The following SHISA5 variants were observed in gnomAD, a reference collection of about 807,000 sequenced individuals.
SHISA5 encodes shisa family member 5.
A neutral mutation model predicts 27.5 loss-of-function variants in SHISA5; 21 were observed. That is an observed-to-expected ratio of 0.76 (90% CI 0.54 to 1.10). The LOEUF is 1.10. SHISA5 is among the 50% of genes least tolerant of loss of function. The pLI is 0.00. For synonymous variants in SHISA5, 137 were observed against 142.2 expected (o/e 0.96, Z 0.26); for missense variants, 314 against 336.3 (o/e 0.93, Z 0.52).
chr3:48,503,769 C>A, intron 1 of SHISA5: 1 of 1,239,902 alleles, frequency 8.1e-7, no homozygotes, highest in Non-Finnish European at 1.0e-6. Flanking sequence ...GGAGGGCAGA[C>A]CCCTCCCCAC....
intron 2 of SHISA5, among the ~76,000 whole-genome samples, chr3:48,495,266 A>T (rs2041511342): frequency 6.8e-6 from 1 of 146,430 alleles, no homozygotes; most frequent in Admixed American, 6.7e-5. Flanking sequence ...ACACATTCAC[A>T]TAATAACTTA....
rs1412049885 is a variant in SHISA5 at position 48,473,539 on chromosome 3, T to C, written c.315-3696A>G. 1 of 1,285,310 alleles carries C rather than the reference T, an allele frequency of 7.8e-7. No homozygotes were observed. Among genetic ancestry groups the C allele is most frequent in the African/African-American group, 1.5e-5 (1 of 65,760 alleles). 79.6% of individuals were successfully genotyped at this position (1,285,310 alleles called of 1,614,324 possible). On this transcript the variant is annotated intron_variant, in intron 3 of 5. Coordinates refer to ENST00000296444, the MANE Select transcript of SHISA5 (RefSeq NM_016479.6). The surrounding 1 kb of genome is among the most constrained non-coding windows in gnomAD (Gnocchi z 4.3). ...CACATGCAAGGAGCAAAGTCCAGCC[T>C]GTCCCTTTAGCTCCTCCTCTCCCAC...
intron 2 of SHISA5, among the ~76,000 whole-genome samples, chr3:48,499,610 G>A (rs1261138735): frequency 6.7e-6 from 1 of 148,914 alleles, no homozygotes; most frequent in South Asian, 2.2e-4. Flanking sequence ...AACCTGGGAG[G>A]CGGAGCTTGC....
chr3:48,479,105 G>T, intron 3 of SHISA5, 72 bp downstream of exon 3: 1 of 1,376,104 alleles, frequency 7.3e-7, no homozygotes, highest in Non-Finnish European at 1.0e-6. Context: ...TCCCCCAGAT[G>T]CACACTGGCC....
chr3:48,503,862 G>T, intron 1 of SHISA5, 157 bp downstream of exon 1: 1 of 1,308,432 alleles, frequency 7.6e-7, no homozygotes. Flanking sequence ...GTGGAGGAGG[G>T]GTCCGCAGTC....
At chr3:48,478,143 G>A (rs1049144312) in intron 3 of SHISA5, among the ~76,000 whole-genome samples, 1 of 152,192 alleles carries the variant, frequency 6.6e-6, no homozygotes, top group Non-Finnish European at 1.5e-5. Flanking sequence ...CACAATCCTG[G>A]GCCTCAGGGC....
In SHISA5 at chr3:48,473,246, G is replaced by A. The variant is rs1022549221; in HGVS notation, c.315-3403C>T. On this transcript the variant is annotated intron_variant, in intron 3 of 5. Transcript: ENST00000296444. The surrounding 1 kb of genome is among the most constrained non-coding windows in gnomAD (Gnocchi z 4.3). ...GCAGCCAAGGAGCCAAGGGGCGGGG[G>A]CCGGGGAGGAGGGGAAGCAGAGGTG... The A allele has an allele frequency of 6.3e-6, 9 of 1,423,222 alleles. No homozygotes were observed. Among genetic ancestry groups the A allele is most frequent in the African/African-American group, 1.4e-5 (1 of 69,416 alleles). 88.2% of individuals were successfully genotyped at this position (1,423,222 alleles called of 1,614,324 possible). A position where few individuals can be genotyped will look rare whatever the true frequency, so the allele number is the denominator to read the frequency against.
intron 2 of SHISA5, among the ~76,000 whole-genome samples, chr3:48,489,286 A>T (rs1667137489): frequency 6.6e-6 from 1 of 151,196 alleles, no homozygotes; most frequent in African/African-American, 2.4e-5. Context: ...TGGCCCAGAG[A>T]AGGCAAAAGA....
intron 2 of SHISA5, 121 bp downstream of exon 2, chr3:48,501,016 G>T: frequency 8.6e-7 from 1 of 1,164,140 alleles, no homozygotes; most frequent in Non-Finnish European, 1.2e-6. Context: ...CTGCTCCAAT[G>T]CTCTGGCCAC....
intron 2 of SHISA5, among the ~76,000 whole-genome samples, chr3:48,480,105 G>A (rs969055748): frequency 2.1e-5 from 3 of 142,424 alleles, no homozygotes; most frequent in East Asian, 2.2e-4. Flanking sequence ...AGGTTTCACC[G>A]TGTTAGCCAG....
chr3:48,486,463 ATAAT>A (rs1205126919), intron 2 of SHISA5, among the ~76,000 whole-genome samples: 1 of 102,848 alleles, frequency 9.7e-6, no homozygotes, highest in East Asian at 2.4e-4. Flanking sequence ...TTATATATTT[ATAAT>A]TATATTATAT....
At position 48,497,262 on chromosome 3, in the gene SHISA5, G is replaced by GTTTT. The variant is rs771239815; in HGVS notation, c.233+3871_233+3874dup. Among the ~76,000 whole-genome samples, 966 of 116,556 alleles carry GTTTT rather than the reference G, an allele frequency of 8.3e-3. 39 individuals are homozygous for GTTTT. Among genetic ancestry groups the GTTTT allele is most frequent in the African/African-American group, 0.031 (887 of 28,390 alleles). The allele number at this position is 116,556 out of a possible 152,430, so 76.5% of individuals were successfully genotyped here. ...AACGGTCTTAAGGCTTCCAGAACAA[G>GTTTT]TTTTTTTTTTTTTTTTTTTTTGACG... On this transcript the variant is annotated intron_variant, in intron 2 of 5. Coordinates refer to ENST00000296444, the MANE Select transcript of SHISA5 (RefSeq NM_016479.6).
chr3:48,486,935 G>GAAAGA (rs779105367), intron 2 of SHISA5, among the ~76,000 whole-genome samples: 1 of 148,018 alleles, frequency 6.8e-6, no homozygotes, highest in African/African-American at 2.5e-5. Flanking sequence ...AAAAAAAAAA[G>GAAAGA]AAAGAAAAGA....
chr3:48,497,262 G>GTTTTT lies in SHISA5; in HGVS notation c.233+3870_233+3874dup, dbSNP rs771239815. Among the ~76,000 whole-genome samples the GTTTTT allele has an allele frequency of 5.1e-4, 60 of 116,570 alleles. 5 individuals carry two copies. The highest frequency in any genetic ancestry group is 2.1e-3 in the African/African-American group (59 of 28,402). 76.5% of individuals were successfully genotyped at this position (116,570 alleles called of 152,430 possible). A position where few individuals can be genotyped will look rare whatever the true frequency, so the allele number is the denominator to read the frequency against. ...AACGGTCTTAAGGCTTCCAGAACAA[G>GTTTTT]TTTTTTTTTTTTTTTTTTTTTGACG... is the stretch of plus-strand genomic sequence containing the variant. On this transcript the variant is annotated intron_variant, in intron 2 of 5. Transcript: ENST00000296444.
intron 2 of SHISA5, among the ~76,000 whole-genome samples, chr3:48,484,968 A>G (rs2041150277): frequency 6.6e-6 from 1 of 152,012 alleles, no homozygotes; most frequent in Non-Finnish European, 1.5e-5. Context: ...CCGAGGCTAG[A>G]GAATCGCTTG....
rs201243667 is a variant in SHISA5, at chr3:48,479,237, G to A, written c.254C>T (p.Pro85Leu). Residue 85 changes from proline (P) to leucine (L), a missense_variant, in exon 3 of 6, where the codon CCG becomes CTG. Pro to Leu is a moderately conservative substitution (Grantham distance 98). Transcript: ENST00000296444. ...CAGCGCCGAGCCCAGCTGCTCCACC[G>A]GCTCTACACTGGCAGGCACGCTGCA... ...PEASVPASVEPVEQLGSALRF... is the reference protein window; with the variant it reads ...PEASVPASVELVEQLGSALRF... 1.5e-4 allele frequency: 213 copies of A among 1,438,024 alleles called. No individual in the cohort carries two copies. The highest frequency in any genetic ancestry group is 1.8e-4 in the Non-Finnish European group (199 of 1,090,580). The allele number at this position is 1,438,024 out of a possible 1,614,324, so 89.1% of individuals were successfully genotyped here.
Position 48,469,295 on chromosome 3 carries a change from G to A in SHISA5, c.643+66C>T, listed in dbSNP as rs1281497014. On this transcript the variant is annotated intron_variant, in intron 5 of 5. Coordinates refer to ENST00000296444, the MANE Select transcript of SHISA5 (RefSeq NM_016479.6). The surrounding 1 kb of genome is among the most constrained non-coding windows in gnomAD (Gnocchi z 4.6). The stretch of plus-strand genomic sequence containing the variant: ...TGTTGAGTGATGTAGTTTGGGATGG[G>A]TGCCCGAGGGATGCTGGCAGAGACT... 1 of 1,566,076 alleles carries A rather than the reference G, an allele frequency of 6.4e-7. No homozygotes were observed. Among genetic ancestry groups the A allele is most frequent in the Non-Finnish European group, 8.7e-7 (1 of 1,154,574 alleles).
intron 3 of SHISA5, among the ~76,000 whole-genome samples, chr3:48,471,262 C>T (rs2040600734): frequency 6.6e-6 from 1 of 152,126 alleles, no homozygotes; most frequent in Non-Finnish European, 1.5e-5. Flanking sequence ...AATCTTCCCT[C>T]CTCGGCCTCT....
At chr3:48,482,771 G>A (rs1011483171) in intron 2 of SHISA5, among the ~76,000 whole-genome samples, 20 of 152,150 alleles carry the variant, frequency 1.3e-4, no homozygotes, top group Middle Eastern at 6.8e-3. Context: ...GAGTAGCTGG[G>A]ATTACAGGCA....
Sources: gnomAD v4.1 joint callset for allele counts (sites outside exome capture counted in the v4.1 genomes callset) on GRCh38, gnomAD v4.1.1 for gene constraint, Gnocchi (gnomAD v3.1) non-coding constraint, MANE v1.5 for transcripts, NCBI Gene and HGNC (gene_info 2026-07-23, HGNC 2026-07-21) for gene names.